ATF7: variants seen among roughly 807,000 people sequenced by gnomAD.
ATF7 encodes activating transcription factor 7, also known as cyclic AMP-dependent transcription factor ATF-7.
Under a neutral mutation model 50.4 loss-of-function variants are expected in ATF7, and 10 were observed. The ratio of observed to expected loss-of-function variants is 0.20; its 90% CI spans 0.12 to 0.34. ATF7 has a LOEUF of 0.34. ATF7 is among the 10% of genes least tolerant of loss of function. The pLI is 1.00. For missense variants in ATF7, 465 were observed against 613.9 expected (o/e 0.76, Z 2.56); for synonymous variants, 201 against 226.4 (o/e 0.89, Z 1.01).
At chr12:53,543,152 A>G in intron 4 of ATF7, 178 bp downstream of exon 4, 22 of 1,494,058 alleles carry the variant, frequency 1.5e-5, no homozygotes, top group Non-Finnish European at 2.0e-5. Context: ...ATCATCTGGA[A>G]CTCCTAAAGA....
chr12:53,514,478 C>A lies in ATF7; in HGVS notation c.*2659G>T, dbSNP rs1206859765. 1 of 152,164 alleles carries A rather than the reference C, an allele frequency of 6.6e-6. No individual in the cohort carries two copies. Among genetic ancestry groups the A allele is most frequent in the African/African-American group, 2.4e-5 (1 of 41,434 alleles). The allele number at this position is 152,164 out of a possible 1,614,324, so 9.4% of individuals were successfully genotyped here. On this transcript the variant is annotated 3_prime_UTR_variant, in exon 12 of 12. Transcript: ENST00000420353. ...GTGACCACATGGCTGGTAGCAATAA[C>A]AAGGTAAGTGAAGTTACCTTTGACT...
chr12:53,615,064 G>A lies in ATF7; in HGVS notation c.-22+11215C>T, dbSNP rs561373902. ...CACTGCACTCTAGCCTGGGCAACAC[G>A]GCAAGACGCCATCTCAAAAGAAAAG... On this transcript the variant is annotated intron_variant, in intron 1 of 11. Transcript: ENST00000420353. Among the ~76,000 whole-genome samples, 13 of 148,578 alleles carry A rather than the reference G, an allele frequency of 8.7e-5. No individual in the cohort carries two copies. The South Asian group carries it at 2.6e-3, about 30-fold the overall frequency.
At chr12:53,532,392 G>GACCCCACACCCT in intron 8 of ATF7, 118 bp downstream of exon 8, 2 of 758,372 alleles carry the variant, frequency 2.6e-6, no homozygotes, top group Admixed American at 5.5e-5. Flanking sequence ...ACAGCAGGGA[G>GACCCCACACCCT]TCCTTAGCTT....
intron 4 of ATF7, 152 bp downstream of exon 4, chr12:53,543,178 G>A (rs939843415): frequency 1.3e-6 from 2 of 1,531,384 alleles, no homozygotes; most frequent in Non-Finnish European, 1.8e-6. Flanking sequence ...ATGGCTGACT[G>A]GGATTAGTGA....
intron 2 of ATF7, among the ~76,000 whole-genome samples, chr12:53,587,844 T>TATATATATA (rs1491300296): frequency 0.012 from 496 of 40,552 alleles, 3 homozygotes; most frequent in East Asian, 0.11. Flanking sequence ...TATATATATA[T>TATATATATA]TTTTTTTTTT....
chr12:53,524,969 A>G lies in ATF7; in HGVS notation c.928-208T>C. On this transcript the variant is annotated intron_variant, in intron 9 of 11. Transcript: ENST00000420353. The surrounding 1 kb of genome is among the most constrained non-coding windows in gnomAD (Gnocchi z 4.6). Reference sequence around the variant, plus strand: ...ATTTCCTTCCAGTCTTCTCAGTCTCATACTTAGACAAACTACAGTTCATTT... The same window carrying G: ...ATTTCCTTCCAGTCTTCTCAGTCTCGTACTTAGACAAACTACAGTTCATTT... 1 of 517,142 alleles carries G rather than the reference A, an allele frequency of 1.9e-6. No homozygotes were observed. Among genetic ancestry groups the G allele is most frequent in the African/African-American group, 2.0e-5 (1 of 50,990 alleles). The allele number at this position is 517,142 out of a possible 1,614,324, so 32.0% of individuals were successfully genotyped here. A position where few individuals can be genotyped will look rare whatever the true frequency, so the allele number is the denominator to read the frequency against.
chr12:53,559,921 T>C (rs1341276835), intron 2 of ATF7, among the ~76,000 whole-genome samples: 1 of 152,072 alleles, frequency 6.6e-6, no homozygotes, highest in Non-Finnish European at 1.5e-5. Flanking sequence ...TTTTTTAAAA[T>C]TTTACTTATT....
At chr12:53,594,991 A>C (rs1405184089) in intron 2 of ATF7, among the ~76,000 whole-genome samples, 2 of 152,214 alleles carry the variant, frequency 1.3e-5, no homozygotes, top group African/African-American at 4.8e-5. Flanking sequence ...CCAGAGAGTG[A>C]ACTGAAAGTT....
chr12:53,555,578 T>C (rs1199951063), intron 2 of ATF7, among the ~76,000 whole-genome samples: 1 of 136,186 alleles, frequency 7.3e-6, no homozygotes, highest in Non-Finnish European at 1.5e-5. Flanking sequence ...TGGCACGATC[T>C]CAGCTCACTG....
chr12:53,549,234 C>T (rs983573339), intron 3 of ATF7, among the ~76,000 whole-genome samples: 1 of 146,936 alleles, frequency 6.8e-6, no homozygotes, highest in Non-Finnish European at 1.5e-5. Flanking sequence ...TTGCAATGAG[C>T]GGAGATCGCG....
Position 53,524,828 on chromosome 12 carries a change from G to A in ATF7, c.928-67C>T. On this transcript the variant is annotated intron_variant, in intron 9 of 11. Transcript: ENST00000420353. This position sits in a 1 kb window ranked among gnomAD's most constrained non-coding sequence, Gnocchi z 4.6. The stretch of plus-strand genomic sequence containing the variant: ...TAATCCTTTCCAAATCACACCTGAT[G>A]TTAGGTAGAGTAGTAAGATCTGGTA... The A allele has an allele frequency of 4.5e-6, 6 of 1,342,734 alleles. No individual in the cohort carries two copies. Among genetic ancestry groups the A allele is most frequent in the Non-Finnish European group, 6.0e-6 (6 of 1,000,660 alleles). The allele number at this position is 1,342,734 out of a possible 1,614,324, so 83.2% of individuals were successfully genotyped here.
chr12:53,537,376 T>G, intron 5 of ATF7, 39 bp downstream of exon 5: 1 of 1,608,342 alleles, frequency 6.2e-7, no homozygotes, highest in Non-Finnish European at 8.5e-7. Context: ...CAAAACTTTA[T>G]CAATTAACAT....
intron 4 of ATF7, among the ~76,000 whole-genome samples, chr12:53,540,392 T>C (rs1026575686): frequency 6.6e-6 from 1 of 150,470 alleles, no homozygotes; most frequent in Non-Finnish European, 1.5e-5. Flanking sequence ...ACTACAAATA[T>C]GTGCTACTGA....
At chr12:53,611,949 T>C (rs57958458) in intron 1 of ATF7, among the ~76,000 whole-genome samples, 5,984 of 152,196 alleles carry the variant, frequency 0.039, 357 homozygotes, top group African/African-American at 0.13. Flanking sequence ...TGTTGTGATA[T>C]GTGAAAATTA....
chr12:53,581,077 A>C (rs1419569152), intron 2 of ATF7, among the ~76,000 whole-genome samples: 2 of 151,932 alleles, frequency 1.3e-5, no homozygotes, highest in Non-Finnish European at 1.5e-5. Flanking sequence ...GTGCCACTGC[A>C]CTCCAGCCTG....
At chr12:53,544,386 G>A (rs1362715780) in intron 3 of ATF7, among the ~76,000 whole-genome samples, 2 of 152,188 alleles carry the variant, frequency 1.3e-5, no homozygotes, top group Admixed American at 1.3e-4. Flanking sequence ...CAAACCGCTA[G>A]AATGAATGAC....
intron 2 of ATF7, among the ~76,000 whole-genome samples, chr12:53,555,799 C>T (rs2137530146): frequency 6.7e-6 from 1 of 149,644 alleles, no homozygotes; most frequent in African/African-American, 2.5e-5. Context: ...TGTGAGCCAT[C>T]ATGCCCCGTC....
chr12:53,599,812 A>G (rs970441932), intron 2 of ATF7, among the ~76,000 whole-genome samples: 7 of 152,242 alleles, frequency 4.6e-5, no homozygotes, highest in Admixed American at 6.5e-5. Flanking sequence ...TCCTAAGTGA[A>G]CAGAAACTCA....
At chr12:53,531,422 C>CAAAAAAAAAAAA (rs541415026) in intron 9 of ATF7, among the ~76,000 whole-genome samples, 1 of 61,802 alleles carries the variant, frequency 1.6e-5, no homozygotes, top group Non-Finnish European at 3.3e-5. Flanking sequence ...AACTCCATCT[C>CAAAAAAAAAAAA]AAAAAAAAAA....
Sources: gnomAD v4.1 joint callset for allele counts (sites outside exome capture counted in the v4.1 genomes callset) on GRCh38, gnomAD v4.1.1 for gene constraint, Gnocchi (gnomAD v3.1) non-coding constraint, MANE v1.5 for transcripts, NCBI Gene and HGNC (gene_info 2026-07-23, HGNC 2026-07-21) for gene names.